DIPK2B: variants seen among roughly 807,000 people sequenced by gnomAD.
The protein encoded by DIPK2B is divergent protein kinase domain 2B, also known as UPF0672 protein CXorf36.
Under a neutral mutation model 22.2 loss-of-function variants are expected in DIPK2B, and 15 were observed. The ratio of observed to expected loss-of-function variants is 0.68; its 90% CI spans 0.45 to 1.04. The LOEUF is 1.04. DIPK2B is among the 50% of genes least tolerant of loss of function. The pLI is 0.00. For missense variants in DIPK2B, 345 were observed against 348.3 expected, an observed-to-expected ratio of 0.99 and a Z score of 0.08; for synonymous variants, 163 against 153.2, an observed-to-expected ratio of 1.06 and a Z score of -0.47.
chrX:45,183,301 G>A (rs2047164752), intron 2 of DIPK2B: 1 of 111,822 alleles, frequency 8.9e-6, no homozygotes, highest in Admixed American at 9.5e-5. Context: ...TGGTAAACAG[G>A]AATGAAAAGC....
rs1280032315 is a variant in DIPK2B, at chrX:45,149,392, A to C, written c.*2260T>G. The C allele has an allele frequency of 1.8e-5, 2 of 112,296 alleles. No homozygotes were observed. The highest frequency in any genetic ancestry group is 3.8e-5 in the Non-Finnish European group (2 of 53,180). The allele number at this position is 112,296 out of a possible 1,213,427, so 9.3% of individuals were successfully genotyped here. A position where few individuals can be genotyped will look rare whatever the true frequency, so the allele number is the denominator to read the frequency against. On this transcript the variant is annotated 3_prime_UTR_variant, in exon 5 of 5. Coordinates refer to ENST00000398000, the MANE Select transcript of DIPK2B (RefSeq NM_176819.4). ...TGGTCAGTCTTCACCCTCAAGACCA[A>C]CTCAGAAGGCAGCCATTTCAAAGCG...
rs751783309 is a variant in DIPK2B at position 45,191,991 on chromosome X, G to A, written c.258C>T (p.His86=). Residue 86 remains histidine, a synonymous_variant, in exon 2 of 5, where the codon CAC becomes CAT. Coordinates refer to ENST00000398000, the MANE Select transcript of DIPK2B (RefSeq NM_176819.4). Reference sequence around the variant, plus strand: ...GCAAGGAATCGGGAGGCAGTCCAAGGTGGGAAGCCAGCCAGTTGTCAGATC... The same window carrying A: ...GCAAGGAATCGGGAGGCAGTCCAAGATGGGAAGCCAGCCAGTTGTCAGATC... ...EIRSDNWLAS[H]LGLPPDSLLS... is the part of the protein sequence containing the mutation. The A allele has an allele frequency of 5.0e-6, 6 of 1,208,969 alleles. No homozygotes were observed. Among genetic ancestry groups the A allele is most frequent in the Non-Finnish European group, 6.7e-6 (6 of 894,538 alleles).
intron 2 of DIPK2B, among the ~76,000 whole-genome samples, chrX:45,164,834 G>A (rs1415867141): frequency 8.9e-6 from 1 of 112,054 alleles, no homozygotes; most frequent in Non-Finnish European, 1.9e-5. Context: ...CTACTCAGGA[G>A]ACTGGGGCAG....
At chrX:45,173,276 C>G (rs149870488) in intron 2 of DIPK2B, among the ~76,000 whole-genome samples, 62 of 111,324 alleles carry the variant, frequency 5.6e-4, no homozygotes, top group African/African-American at 1.1e-3. Context: ...TGGAGCCTAA[C>G]TGCCCTGAGT....
chrX:45,154,277 C>G, intron 3 of DIPK2B, 79 bp from the exon 4 acceptor site: 1 of 719,826 alleles, frequency 1.4e-6, no homozygotes, highest in Non-Finnish European at 1.9e-6. Flanking sequence ...CTATCTATCT[C>G]CCTATCTATC....
chrX:45,168,175 G>T (rs1453714646), intron 2 of DIPK2B, among the ~76,000 whole-genome samples: 1 of 112,373 alleles, frequency 8.9e-6, no homozygotes, highest in African/African-American at 3.2e-5. Context: ...GATATGGCAG[G>T]TTTATGATAG....
At chrX:45,194,550 C>T (rs1340387317) in intron 1 of DIPK2B, among the ~76,000 whole-genome samples, 2 of 111,027 alleles carry the variant, frequency 1.8e-5, no homozygotes, top group East Asian at 5.7e-4. Flanking sequence ...GCACTTGGTC[C>T]CATTAATCTT....
intron 2 of DIPK2B, among the ~76,000 whole-genome samples, chrX:45,161,959 C>T (rs41312145): frequency 0.11 from 11,801 of 111,518 alleles, 635 homozygotes; most frequent in East Asian, 0.43. Flanking sequence ...GTGGATAGGA[C>T]GGTACAGGAG....
At chrX:45,167,915 C>T (rs1356851762) in intron 2 of DIPK2B, among the ~76,000 whole-genome samples, 1 of 112,521 alleles carries the variant, frequency 8.9e-6, no homozygotes, top group Non-Finnish European at 1.9e-5. Flanking sequence ...GAACTCCTGA[C>T]CTCAGGTGAT....
At chrX:45,184,943 A>G (rs1405895670) in intron 2 of DIPK2B, among the ~76,000 whole-genome samples, 2 of 111,140 alleles carry the variant, frequency 1.8e-5, no homozygotes, top group African/African-American at 3.3e-5. Context: ...TTTTTTTCCT[A>G]TTATAGTTAA....
At chrX:45,187,480 A>G (rs1052868640) in intron 2 of DIPK2B, among the ~76,000 whole-genome samples, 12 of 108,713 alleles carry the variant, frequency 1.1e-4, no homozygotes, top group African/African-American at 1.7e-4. Flanking sequence ...ACACACACAC[A>G]CACACACACA....
intron 2 of DIPK2B, among the ~76,000 whole-genome samples, chrX:45,185,468 T>A (rs1014318007): frequency 9.0e-6 from 1 of 110,501 alleles, no homozygotes; most frequent in African/African-American, 3.3e-5. Context: ...TTATTCAGGC[T>A]TCGGTTACGT....
chrX:45,157,190 A>G lies in DIPK2B; in HGVS notation c.672+525T>C, dbSNP rs1382489893. On this transcript the variant is annotated intron_variant, in intron 3 of 4. Coordinates refer to ENST00000398000, the MANE Select transcript of DIPK2B (RefSeq NM_176819.4). ...GTGTCTGTCTCTACCACTGGACTGG[A>G]AGCTGCATGAAGGCAGGAGACACCA... 2.7e-5 allele frequency among the ~76,000 whole-genome samples: 3 copies of G among 111,299 alleles called. No homozygotes were observed. The Admixed American group carries it at 2.9e-4, about 11-fold the overall frequency.
chrX:45,158,405 G>T (rs2047006761), intron 2 of DIPK2B, among the ~76,000 whole-genome samples: 1 of 111,304 alleles, frequency 9.0e-6, no homozygotes, highest in East Asian at 2.9e-4. Context: ...TTGGAAAGAA[G>T]GCTGATCCCA....
At chrX:45,176,701 G>A (rs1366384833) in intron 2 of DIPK2B, among the ~76,000 whole-genome samples, 1 of 111,623 alleles carries the variant, frequency 9.0e-6, no homozygotes, top group African/African-American at 3.3e-5. Flanking sequence ...GTCTTACCTT[G>A]CGTTTGAAGC....
intron 2 of DIPK2B, chrX:45,163,699 T>C (rs913179579): frequency 1.3e-6 from 1 of 753,982 alleles, no homozygotes; most frequent in Admixed American, 8.7e-5. Context: ...TGCTTTTTTT[T>C]CCCTCTAGAA....
chrX:45,163,350 T>C (rs2047031673), intron 2 of DIPK2B: 1 of 694,179 alleles, frequency 1.4e-6, no homozygotes, highest in Non-Finnish European at 1.7e-6. Context: ...CTCCTACTGG[T>C]TCTGTTTCTC....
At chrX:45,197,588 C>T (rs994503437) in intron 1 of DIPK2B, among the ~76,000 whole-genome samples, 5 of 111,406 alleles carry the variant, frequency 4.5e-5, no homozygotes, top group East Asian at 2.8e-4. Flanking sequence ...AAGAAGACAA[C>T]GAACAAATAC....
At chrX:45,163,345 A>G in intron 2 of DIPK2B, 1 of 673,215 alleles carries the variant, frequency 1.5e-6, no homozygotes. Context: ...TGTATCTCCT[A>G]CTGGTTCTGT....
Sources: gnomAD v4.1 joint callset for allele counts (sites outside exome capture counted in the v4.1 genomes callset) on GRCh38, gnomAD v4.1.1 for gene constraint, MANE v1.5 for transcripts, NCBI Gene and HGNC (gene_info 2026-07-23, HGNC 2026-07-21) for gene names.